MTMR8: variants seen among roughly 807,000 people sequenced by gnomAD.
MTMR8 encodes phosphatidylinositol-3,5-bisphosphate 3-phosphatase MTMR8.
In MTMR8, 65 loss-of-function variants were observed where a neutral mutation model predicts 39.3. The ratio of observed to expected loss-of-function variants is 1.65; its 90% confidence interval spans 1.35 to 2.03. MTMR8 has a LOEUF of 2.03. Ranked by LOEUF, MTMR8 falls within the 30% of genes most tolerant of loss-of-function variation. The pLI, the probability that MTMR8 is intolerant of heterozygous loss-of-function variation, is 0.00. For synonymous variants in MTMR8, 245 were observed against 185.2 expected, an observed-to-expected ratio of 1.32 and a Z score of -2.62; for missense variants, 777 against 538.9, an observed-to-expected ratio of 1.44 and a Z score of -4.37.
intron 1 of MTMR8, among the ~76,000 whole-genome samples, chrX:64,363,074 C>T (rs1923836459): frequency 1.8e-5 from 2 of 111,415 alleles, no homozygotes; most frequent in Admixed American, 1.9e-4. Flanking sequence ...CTAGAAGATG[C>T]CAAGTGTTGG....
At chrX:64,272,141 A>C (rs1055908821) in intron 12 of MTMR8, among the ~76,000 whole-genome samples, 4 of 111,848 alleles carry the variant, frequency 3.6e-5, no homozygotes, top group Admixed American at 9.5e-5. Context: ...ACTTGGGGTG[A>C]GAGTGGATTC....
intron 12 of MTMR8, among the ~76,000 whole-genome samples, chrX:64,274,243 C>A (rs1209037038): frequency 8.9e-6 from 1 of 112,220 alleles, no homozygotes; most frequent in East Asian, 2.8e-4. Context: ...AGATTAAAAT[C>A]ATACCAAGTA....
intron 12 of MTMR8, among the ~76,000 whole-genome samples, chrX:64,273,218 T>G (rs1400454418): frequency 1.5e-4 from 17 of 111,572 alleles, no homozygotes; most frequent in African/African-American, 5.2e-4. Flanking sequence ...GTATAAAGTT[T>G]AAAAAAGTAT....
At chrX:64,286,368 A>C (rs1029054504) in intron 12 of MTMR8, among the ~76,000 whole-genome samples, 1 of 112,208 alleles carries the variant, frequency 8.9e-6, no homozygotes, top group Non-Finnish European at 1.9e-5. Context: ...TTCACAGCCA[A>C]ATTCTACCAG....
intron 5 of MTMR8, 115 bp downstream of exon 5, chrX:64,349,827 A>G: frequency 3.5e-6 from 2 of 570,638 alleles, no homozygotes; most frequent in Admixed American, 9.8e-5. Context: ...ATGAAAGTCC[A>G]GAGAAGTTAA....
At chrX:64,323,562 C>T (rs889942027) in intron 12 of MTMR8, among the ~76,000 whole-genome samples, 24 of 111,915 alleles carry the variant, frequency 2.1e-4, no homozygotes, top group Admixed American at 1.0e-3. Context: ...TCAAATGGAC[C>T]AAGCAAACAT....
intron 12 of MTMR8, chrX:64,306,739 A>G: frequency 8.9e-6 from 1 of 112,233 alleles, no homozygotes; most frequent in East Asian, 2.8e-4. Context: ...ATTGTCCACT[A>G]TGAACGAGCT....
At chrX:64,276,764 G>C (rs1416834433) in intron 12 of MTMR8, among the ~76,000 whole-genome samples, 1 of 111,715 alleles carries the variant, frequency 9.0e-6, no homozygotes, top group East Asian at 2.8e-4. Flanking sequence ...CTGTTGATTT[G>C]GGTTGGAGAG....
intron 5 of MTMR8, among the ~76,000 whole-genome samples, chrX:64,349,473 C>T (rs975527985): frequency 9.0e-6 from 1 of 111,054 alleles, no homozygotes. Flanking sequence ...AGAGTGATTA[C>T]AAGAGGTGAT....
chrX:64,377,222 G>C (rs1337627618), intron 1 of MTMR8, among the ~76,000 whole-genome samples: 3 of 112,153 alleles, frequency 2.7e-5, no homozygotes, highest in Non-Finnish European at 5.6e-5. Context: ...CCCTCACAAA[G>C]AGTTTCCACT....
chrX:64,365,374 C>T (rs1569229296), intron 1 of MTMR8, among the ~76,000 whole-genome samples: 2 of 110,842 alleles, frequency 1.8e-5, no homozygotes, highest in East Asian at 2.9e-4. Context: ...GGTCATGTTA[C>T]ACACAAAGGG....
chrX:64,351,289 C>T (rs748887475), intron 4 of MTMR8, among the ~76,000 whole-genome samples: 3 of 111,261 alleles, frequency 2.7e-5, no homozygotes, highest in Non-Finnish European at 5.7e-5. Context: ...CCTGCGAAGT[C>T]ACAGCTCATC....
At chrX:64,294,994 G>T (rs1206318617) in intron 12 of MTMR8, among the ~76,000 whole-genome samples, 2 of 111,046 alleles carry the variant, frequency 1.8e-5, no homozygotes, top group Non-Finnish European at 3.8e-5. Flanking sequence ...AGTATTCTCA[G>T]TCTGGTAAGA....
At chrX:64,299,805 A>C (rs1408710681) in intron 12 of MTMR8, among the ~76,000 whole-genome samples, 9 of 100,119 alleles carry the variant, frequency 9.0e-5, no homozygotes. Flanking sequence ...GTTTCAAAGA[A>C]CATCTTTACT....
At chrX:64,328,648 G>T (rs921242926) in intron 12 of MTMR8, 124 bp downstream of exon 12, 21 of 639,559 alleles carry the variant, frequency 3.3e-5, no homozygotes, top group Non-Finnish European at 4.5e-5. Flanking sequence ...TGGGTGATAT[G>T]AGGACAGAGT....
intron 1 of MTMR8, among the ~76,000 whole-genome samples, chrX:64,359,878 G>A (rs1923732027): frequency 1.9e-5 from 2 of 103,549 alleles, no homozygotes; most frequent in Admixed American, 1.0e-4. Flanking sequence ...AATCAGTAAG[G>A]GTAAATAACA....
intron 7 of MTMR8, 142 bp from the exon 8 acceptor site, chrX:64,343,862 C>T: frequency 2.2e-6 from 1 of 463,400 alleles, no homozygotes; most frequent in Non-Finnish European, 3.8e-6. Context: ...CACAGTGAGT[C>T]AGGGACAGAA....
intron 1 of MTMR8, among the ~76,000 whole-genome samples, chrX:64,360,601 C>T (rs773571730): frequency 5.4e-5 from 6 of 110,973 alleles, no homozygotes; most frequent in African/African-American, 2.0e-4. Flanking sequence ...TTTAGGTTCT[C>T]CAACCACAAT....
chrX:64,394,149 C>T (rs1924764052), intron 1 of MTMR8, among the ~76,000 whole-genome samples: 1 of 111,590 alleles, frequency 9.0e-6, no homozygotes, highest in African/African-American at 3.3e-5. Flanking sequence ...AAGAAACTCC[C>T]GTTTTTAAAA....
Sources: gnomAD v4.1 joint callset for allele counts (sites outside exome capture counted in the v4.1 genomes callset) on GRCh38, gnomAD v4.1.1 for gene constraint, MANE v1.5 for transcripts, NCBI Gene and HGNC (gene_info 2026-07-23, HGNC 2026-07-21) for gene names.